TANC2: variants seen among roughly 807,000 people sequenced by gnomAD.
TANC2 encodes protein TANC2.
TANC2 carries 26 observed loss-of-function variants against 210.5 expected under a neutral mutation model. The ratio of observed to expected loss-of-function variants is 0.12; its 90% CI spans 0.09 to 0.17. TANC2 has a LOEUF of 0.17. Ranked by LOEUF, TANC2 falls within the 10% of genes least tolerant of loss-of-function variation. TANC2 has a pLI of 1.00. For missense variants in TANC2, 2,129 were observed against 2,608.9 expected (o/e 0.82, Z 4.01); for synonymous variants, 931 against 967.1 (o/e 0.96, Z 0.69).
rs188992310 is a variant in TANC2, at chr17:63,323,247, G to C, written c.1575+4157G>C. Among the ~76,000 whole-genome samples the C allele has an allele frequency of 2.2e-3, 333 of 152,136 alleles. 2 individuals are homozygous for C. The highest frequency in any genetic ancestry group is 3.3e-3 in the Admixed American group (50 of 15,282). ...AAATCTCTCAATTTGACATATTCTT[G>C]GTGTCATTTCTTTGTATGTCAGTAA... On this transcript the variant is annotated intron_variant, in intron 11 of 27. Coordinates refer to ENST00000689528, the Ensembl canonical transcript of TANC2.
chr17:63,094,507 A>G (rs76967432), intron 3 of TANC2, among the ~76,000 whole-genome samples: 220 of 152,304 alleles, frequency 1.4e-3, no homozygotes, highest in African/African-American at 5.1e-3. Context: ...CAGTTCACTG[A>G]ATTATCACAA....
chr17:63,419,914 G>C (rs1385751772), intron 27 of TANC2, 85 bp from the exon 28 acceptor site: 30 of 1,431,770 alleles, frequency 2.1e-5, no homozygotes, highest in Non-Finnish European at 2.8e-5. Flanking sequence ...ACAGCTCTCT[G>C]AGATAGTGAC....
chr17:63,235,642 G>T (rs1194134739), intron 7 of TANC2, among the ~76,000 whole-genome samples: 1 of 151,684 alleles, frequency 6.6e-6, no homozygotes, highest in Non-Finnish European at 1.5e-5. Flanking sequence ...TCTTCTTCCC[G>T]TGTTATTAGA....
At chr17:63,004,973 G>A (rs1409590463) in intron 1 of TANC2, 1 of 189,744 alleles carries the variant, frequency 5.3e-6, no homozygotes, top group African/African-American at 2.4e-5. Context: ...GGTGGCATCA[G>A]TGGTGGGATG....
At chr17:63,415,382 T>G in intron 25 of TANC2, 146 bp from the exon 26 acceptor site, 1 of 1,037,054 alleles carries the variant, frequency 9.6e-7, no homozygotes. Context: ...GCCCTCACCA[T>G]CAGGGCCAGA....
intron 19 of TANC2, among the ~76,000 whole-genome samples, chr17:63,400,810 A>ATT (rs146655118): frequency 1.4e-5 from 2 of 142,208 alleles, no homozygotes; most frequent in Admixed American, 7.0e-5. Flanking sequence ...CACCTGACTA[A>ATT]TTTTTTTTTT....
intron 4 of TANC2, chr17:63,150,473 A>AC (rs2039609823): frequency 1.3e-5 from 2 of 152,324 alleles, no homozygotes; most frequent in South Asian, 4.1e-4. Flanking sequence ...TCAATAAGTA[A>AC]AACTTTCAAT....
chr17:63,215,240 G>A (rs1426765872), intron 7 of TANC2, among the ~76,000 whole-genome samples: 1 of 152,214 alleles, frequency 6.6e-6, no homozygotes, highest in African/African-American at 2.4e-5. Flanking sequence ...CTCAGTAGCT[G>A]ATAGAACAAG....
chr17:63,009,742 G>A, intron 2 of TANC2, 116 bp downstream of exon 2: 1 of 862,432 alleles, frequency 1.2e-6, no homozygotes, highest in South Asian at 1.8e-5. Context: ...TTAAAAGAAA[G>A]TTTACATTTC....
intron 9 of TANC2, among the ~76,000 whole-genome samples, chr17:63,295,830 A>T (rs2044519209): frequency 1.3e-5 from 2 of 152,168 alleles, no homozygotes; most frequent in African/African-American, 4.8e-5. Flanking sequence ...GACTAATTAG[A>T]CTTGTCCATA....
At chr17:63,088,572 C>G (rs896297238) in intron 3 of TANC2, 1 of 152,200 alleles carries the variant, frequency 6.6e-6, no homozygotes, top group Non-Finnish European at 1.5e-5. Context: ...CGAGTTTTCT[C>G]CAACATGGAT....
At chr17:63,031,080 G>A (rs549856295) in intron 2 of TANC2, among the ~76,000 whole-genome samples, 17 of 148,780 alleles carry the variant, frequency 1.1e-4, no homozygotes, top group Non-Finnish European at 2.2e-4. Flanking sequence ...CAAACTATAG[G>A]ATTTTAGTAT....
chr17:63,353,403 G>T (rs939772661), intron 13 of TANC2, among the ~76,000 whole-genome samples: 1 of 152,094 alleles, frequency 6.6e-6, no homozygotes, highest in Non-Finnish European at 1.5e-5. Flanking sequence ...CAGTGGTAAT[G>T]CCATTTATTG....
At chr17:63,179,748 A>C (rs1598542225) in intron 5 of TANC2, among the ~76,000 whole-genome samples, 1 of 151,784 alleles carries the variant, frequency 6.6e-6, no homozygotes, top group African/African-American at 2.4e-5. Context: ...TTTCAAGTAC[A>C]CCCTCCTCTA....
At position 63,246,009 on chromosome 17, in the gene TANC2, CAA is replaced by C. The variant is rs35616542; in HGVS notation, c.1033+7947_1033+7948del. On this transcript the variant is annotated intron_variant, in intron 8 of 27. Transcript: ENST00000689528. ...TGGGATACAGAGTGAGACGCTGTCT[CAA>C]AAAAAAAAAAAAAATTATATGTATG... 4.5e-3 allele frequency among the ~76,000 whole-genome samples: 621 copies of C among 137,178 alleles called. 3 individuals carry two copies. Among genetic ancestry groups the C allele is most frequent in the African/African-American group, 0.012 (435 of 37,436 alleles). 90.0% of individuals were successfully genotyped at this position (137,178 alleles called of 152,430 possible). A position where few individuals can be genotyped will look rare whatever the true frequency, so the allele number is the denominator to read the frequency against.
In TANC2 at chr17:63,378,497, C is replaced by T. The variant is rs185765181; in HGVS notation, c.2583-1221C>T. Among the ~76,000 whole-genome samples, 50 of 152,294 alleles carry T rather than the reference C, an allele frequency of 3.3e-4. 2 individuals are homozygous for T. In the South Asian group the frequency reaches 4.6e-3, roughly 14 times the overall value. On this transcript the variant is annotated intron_variant, in intron 14 of 27. Coordinates refer to ENST00000689528, the Ensembl canonical transcript of TANC2. ...ATTAGGGCAGCTAATAGGGCTCAAA[C>T]TTTATTTTTCTGCAATTCTTTTAGC... is the stretch of plus-strand genomic sequence containing the variant.
chr17:63,213,414 G>A lies in TANC2; in HGVS notation c.769+12457G>A, dbSNP rs78361445. On this transcript the variant is annotated intron_variant, in intron 7 of 27. Coordinates refer to ENST00000689528, the Ensembl canonical transcript of TANC2. ...TTCTCTAGCTTTCGGTGTACAACCC[G>A]TGTAGCCATGTAACTCCAAGCTTCC... Among the ~76,000 whole-genome samples, 1,292 of 152,262 alleles carry A rather than the reference G, an allele frequency of 8.5e-3. 15 individuals are homozygous for A. Among genetic ancestry groups the A allele is most frequent in the African/African-American group, 0.028 (1,182 of 41,550 alleles).
At chr17:63,384,886 T>G (rs1318506896) in intron 15 of TANC2, among the ~76,000 whole-genome samples, 2 of 152,214 alleles carry the variant, frequency 1.3e-5, no homozygotes, top group African/African-American at 2.4e-5. Context: ...TGTTTTAGTC[T>G]ATTATAGTTG....
At chr17:63,225,104 T>G (rs2042295431) in intron 7 of TANC2, among the ~76,000 whole-genome samples, 1 of 152,208 alleles carries the variant, frequency 6.6e-6, no homozygotes, top group African/African-American at 2.4e-5. Flanking sequence ...TTTCTTAATT[T>G]CATCTCCCTC....
Sources: allele counts gnomAD v4.1 joint callset (sites outside exome capture counted in the v4.1 genomes callset), GRCh38; gene constraint gnomAD v4.1.1; transcripts MANE v1.5; gene names NCBI Gene and HGNC (gene_info 2026-07-23, HGNC 2026-07-21).